Variants in TAFA5 observed in about 807,000 individuals in gnomAD.
TAFA5 encodes chemokine-like protein TAFA-5.
TAFA5 carries 6 observed loss-of-function variants against 15.3 expected under a neutral mutation model. The ratio of observed to expected loss-of-function variants is 0.39; its 90% CI spans 0.21 to 0.77. The LOEUF (loss-of-function observed/expected upper bound fraction) is 0.77. Ranked by LOEUF, TAFA5 falls within the 30% of genes least tolerant of loss-of-function variation. TAFA5 has a pLI of 0.41. For synonymous variants in TAFA5, 103 were observed against 80.7 expected, an observed-to-expected ratio of 1.28 and a Z score of -1.48; for missense variants, 161 against 193.1, an observed-to-expected ratio of 0.83 and a Z score of 0.98.
intron 1 of TAFA5, among the ~76,000 whole-genome samples, chr22:48,614,196 G>T (rs563495129): frequency 3.9e-5 from 6 of 152,172 alleles, no homozygotes; most frequent in Admixed American, 2.6e-4. Flanking sequence ...GCAGAGCTGG[G>T]GGCCCGAACC....
intron 1 of TAFA5, among the ~76,000 whole-genome samples, chr22:48,522,282 G>T (rs1041745006): frequency 1.3e-5 from 2 of 151,968 alleles, no homozygotes; most frequent in Non-Finnish European, 2.9e-5. Flanking sequence ...TGTATCTGTA[G>T]GTGGGAAGGG....
chr22:48,585,779 A>C (rs1156964654), intron 1 of TAFA5, among the ~76,000 whole-genome samples: 1 of 152,000 alleles, frequency 6.6e-6, no homozygotes, highest in African/African-American at 2.4e-5. Flanking sequence ...CCACACACAC[A>C]CCACACATAC....
At position 48,750,197 on chromosome 22, in the gene TAFA5, T is replaced by C; in HGVS notation, c.*350T>C. On this transcript the variant is annotated 3_prime_UTR_variant, in exon 4 of 4. Coordinates refer to ENST00000402357, the MANE Select transcript of TAFA5 (RefSeq NM_001082967.3). ...GGCAGCTCCGGCAGCCACAGAAGGCTGCAGCCCAGCCCGCCTGAGACACGA... is the reference window on the plus strand; with the variant it reads ...GGCAGCTCCGGCAGCCACAGAAGGCCGCAGCCCAGCCCGCCTGAGACACGA... 2.6e-6 allele frequency: 1 copy of C among 389,672 alleles called. No homozygotes were observed. Among genetic ancestry groups the C allele is most frequent in the Non-Finnish European group, 4.7e-6 (1 of 213,346 alleles). The allele number at this position is 389,672 out of a possible 1,614,324, so 24.1% of individuals were successfully genotyped here. A position where few individuals can be genotyped will look rare whatever the true frequency, so the allele number is the denominator to read the frequency against.
chr22:48,517,864 G>T (rs1419550342), intron 1 of TAFA5, among the ~76,000 whole-genome samples: 1 of 152,234 alleles, frequency 6.6e-6, no homozygotes, highest in Non-Finnish European at 1.5e-5. Flanking sequence ...CCGGGTGGGG[G>T]TGAGGTTCTG....
At chr22:48,649,161 C>T in intron 2 of TAFA5, among the ~76,000 whole-genome samples, 1 of 152,256 alleles carries the variant, frequency 6.6e-6, no homozygotes, top group South Asian at 2.1e-4. Context: ...GCCCAGGTCT[C>T]AGTCCGTGCA....
At chr22:48,685,323 G>T (rs1022524110) in intron 2 of TAFA5, among the ~76,000 whole-genome samples, 1 of 152,194 alleles carries the variant, frequency 6.6e-6, no homozygotes, top group Non-Finnish European at 1.5e-5. Context: ...GACCTTAAAA[G>T]GTGTCAGACT....
intron 3 of TAFA5, among the ~76,000 whole-genome samples, chr22:48,749,052 ATAC>A (rs1230234928): frequency 6.6e-6 from 1 of 152,108 alleles, no homozygotes; most frequent in Non-Finnish European, 1.5e-5. Flanking sequence ...GTTGAAGAGA[ATAC>A]TCCCGGGGCC....
chr22:48,591,060 C>T (rs548981553), intron 1 of TAFA5, among the ~76,000 whole-genome samples: 21 of 152,256 alleles, frequency 1.4e-4, no homozygotes, highest in African/African-American at 4.1e-4. Flanking sequence ...CCATGTTGGC[C>T]GGGTTGGTCT....
At chr22:48,678,680 G>A (rs1214909009) in intron 2 of TAFA5, among the ~76,000 whole-genome samples, 8 of 151,834 alleles carry the variant, frequency 5.3e-5, no homozygotes, top group East Asian at 1.9e-4. Flanking sequence ...GAAGCCCTGC[G>A]CTCAAGGAAG....
At chr22:48,604,232 A>T (rs59062532) in intron 1 of TAFA5, among the ~76,000 whole-genome samples, 11 of 152,100 alleles carry the variant, frequency 7.2e-5, no homozygotes, top group Non-Finnish European at 1.3e-4. Flanking sequence ...CCGAGTGTTT[A>T]CATCTCAGGC....
intron 1 of TAFA5, among the ~76,000 whole-genome samples, chr22:48,567,614 G>C (rs548152609): frequency 1.3e-5 from 2 of 152,222 alleles, no homozygotes; most frequent in South Asian, 4.1e-4. Context: ...GGACAGGCCT[G>C]CTCCTCCAAA....
At chr22:48,548,786 C>T (rs1922764311) in intron 1 of TAFA5, among the ~76,000 whole-genome samples, 2 of 152,262 alleles carry the variant, frequency 1.3e-5, no homozygotes, top group Non-Finnish European at 1.5e-5. Flanking sequence ...TCCCAACAGT[C>T]GCCTAACAAC....
chr22:48,650,235 T>C, intron 2 of TAFA5, among the ~76,000 whole-genome samples: 1 of 152,208 alleles, frequency 6.6e-6, no homozygotes. Context: ...CCTACCGCGT[T>C]CCGTGACCAC....
At chr22:48,535,535 A>C (rs139079512) in intron 1 of TAFA5, among the ~76,000 whole-genome samples, 1 of 152,218 alleles carries the variant, frequency 6.6e-6, no homozygotes, top group African/African-American at 2.4e-5. Flanking sequence ...ATGTATGAGC[A>C]CTCGTGCCTT....
chr22:48,567,022 G>A (rs1923430859), intron 1 of TAFA5, among the ~76,000 whole-genome samples: 1 of 152,210 alleles, frequency 6.6e-6, no homozygotes, highest in Admixed American at 6.5e-5. Flanking sequence ...TCCAGGTTTC[G>A]CTGTTCCACT....
intron 1 of TAFA5, among the ~76,000 whole-genome samples, chr22:48,521,806 G>A (rs771324296): frequency 3.3e-5 from 5 of 152,188 alleles, no homozygotes; most frequent in African/African-American, 4.8e-5. Context: ...TGCTGTTGAG[G>A]TTCCTTAGCA....
chr22:48,508,092 C>T (rs1921070964), intron 1 of TAFA5, among the ~76,000 whole-genome samples: 2 of 152,098 alleles, frequency 1.3e-5, no homozygotes, highest in African/African-American at 4.8e-5. Context: ...GGTGCTGGTG[C>T]AACCCTGAGG....
At chr22:48,654,145 C>G (rs61389347) in intron 2 of TAFA5, among the ~76,000 whole-genome samples, 17,143 of 152,112 alleles carry the variant, frequency 0.11, 1,793 homozygotes, top group African/African-American at 0.27. Flanking sequence ...GGTCACCTGG[C>G]TCTGCTCCCT....
At chr22:48,746,227 C>T (rs1193276285) in intron 3 of TAFA5, among the ~76,000 whole-genome samples, 3 of 152,088 alleles carry the variant, frequency 2.0e-5, no homozygotes, top group African/African-American at 7.2e-5. Flanking sequence ...TCGTCCAGGG[C>T]ATTCTGGGCT....
Sources: gnomAD v4.1 joint callset for allele counts (sites outside exome capture counted in the v4.1 genomes callset) on GRCh38, gnomAD v4.1.1 for gene constraint, MANE v1.5 for transcripts, NCBI Gene and HGNC (gene_info 2026-07-23, HGNC 2026-07-21) for gene names.